Variants in EYA2 observed in about 807,000 individuals in gnomAD.
EYA2 encodes EYA transcriptional coactivator and phosphatase 2, also known as protein phosphatase EYA2.
Under a neutral mutation model 69.2 loss-of-function variants are expected in EYA2, and 31 were observed. The ratio of observed to expected loss-of-function variants is 0.45; its 90% confidence interval spans 0.34 to 0.60. The LOEUF (loss-of-function observed/expected upper bound fraction) is 0.60, where lower values mean the gene tolerates loss of function less well. Ranked by LOEUF, EYA2 falls within the 20% of genes least tolerant of loss-of-function variation. The pLI is 0.02. For missense variants in EYA2, 622 were observed against 701.2 expected (o/e 0.89, Z 1.28); for synonymous variants, 257 against 279.4 (o/e 0.92, Z 0.80).
chr20:47,168,357 A>G (rs2034249916), intron 10 of EYA2, among the ~76,000 whole-genome samples: 1 of 151,960 alleles, frequency 6.6e-6, no homozygotes, highest in Non-Finnish European at 1.5e-5. Context: ...ACGCCCAGCT[A>G]ATTTGTGTAT....
At chr20:46,899,294 G>C (rs1600524853) in intron 1 of EYA2, among the ~76,000 whole-genome samples, 3 of 152,284 alleles carry the variant, frequency 2.0e-5, no homozygotes, top group Admixed American at 2.0e-4. Context: ...ACAGAACACA[G>C]TTATTTTCTG....
intron 9 of EYA2, among the ~76,000 whole-genome samples, chr20:47,111,627 C>A (rs2032748756): frequency 6.6e-6 from 1 of 152,190 alleles, no homozygotes; most frequent in South Asian, 2.1e-4. Flanking sequence ...AACTGGCACA[C>A]TGTGAAAAGT....
intron 1 of EYA2, among the ~76,000 whole-genome samples, chr20:46,968,513 G>A (rs1385467760): frequency 3.9e-5 from 6 of 152,014 alleles, no homozygotes; most frequent in East Asian, 3.9e-4. Flanking sequence ...TGCCCCCTCC[G>A]TGTTTAAACA....
Position 47,180,929 on chromosome 20 carries a change from CA to C in EYA2, c.1430del (p.Lys477ArgfsTer11). ...CTATTGAGAACATCTACAGTGCAAC[CA>C]AGACAGGTAGGGAGAAGCCACACCT... ...FPIENIYSAT[K>X]TGKESCFERI... is the part of the protein sequence containing the mutation. On this transcript the variant is annotated frameshift_variant, in exon 14 of 16. Coordinates refer to ENST00000327619, the MANE Select transcript of EYA2 (RefSeq NM_005244.5). LOFTEE classifies it high-confidence loss of function. The C allele has an allele frequency of 1.2e-6, 2 of 1,613,930 alleles. No homozygotes were observed. Among genetic ancestry groups the C allele is most frequent in the Non-Finnish European group, 1.7e-6 (2 of 1,179,928 alleles).
rs150108001 is a variant in EYA2, at chr20:47,056,620, G to A, written c.416-15565G>A. 4.1e-3 allele frequency among the ~76,000 whole-genome samples: 623 copies of A among 152,272 alleles called. 2 individuals are homozygous for A. Among genetic ancestry groups the A allele is most frequent in the African/African-American group, 0.014 (564 of 41,550 alleles). On this transcript the variant is annotated intron_variant, in intron 5 of 15. Transcript: ENST00000327619. ...TCCACTTTACAGATGAGGAAACTGA[G>A]GCTTAGAAAGTTCAACCATGTGTCC...
chr20:47,159,017 A>T (rs2034011523), intron 10 of EYA2, among the ~76,000 whole-genome samples: 1 of 152,070 alleles, frequency 6.6e-6, no homozygotes, highest in Non-Finnish European at 1.5e-5. Context: ...ATGCTGATGT[A>T]GATAAATGAT....
chr20:47,169,619 T>C (rs1003051025), intron 11 of EYA2, among the ~76,000 whole-genome samples: 5 of 152,216 alleles, frequency 3.3e-5, no homozygotes, highest in Admixed American at 3.3e-4. Context: ...ACTGAAGTAA[T>C]GCATGCATAA....
At position 47,051,672 on chromosome 20, in the gene EYA2, A is replaced by G. The variant is rs191934483; in HGVS notation, c.416-20513A>G. Among the ~76,000 whole-genome samples the G allele has an allele frequency of 1.2e-4, 19 of 152,266 alleles. No individual in the cohort carries two copies. In the East Asian group the frequency reaches 3.3e-3, roughly 26 times the overall value. ...TCCAGCTTAGCTGGCTCCAGCACCT[A>G]TGACCATGGGACACATTATTTTATA... is the stretch of plus-strand genomic sequence containing the variant. On this transcript the variant is annotated intron_variant, in intron 5 of 15. Coordinates refer to ENST00000327619, the MANE Select transcript of EYA2 (RefSeq NM_005244.5).
rs903895437 is a variant in EYA2, at chr20:46,898,234, T to A, written c.-11+3247T>A. Among the ~76,000 whole-genome samples, 4 of 149,522 alleles carry A rather than the reference T, an allele frequency of 2.7e-5. No individual in the cohort carries two copies. In the Admixed American group the frequency reaches 2.7e-4, roughly 10 times the overall value. ...GTTTTGTTGGTGGAAGGAACCGGGT[T>A]TTTTGGGTTTTTGTGTTGGTTTTTT... On this transcript the variant is annotated intron_variant, in intron 1 of 15. Transcript: ENST00000327619.
chr20:47,182,507 T>A (rs1264516696), intron 14 of EYA2, among the ~76,000 whole-genome samples: 1 of 150,588 alleles, frequency 6.6e-6, no homozygotes, highest in Admixed American at 6.6e-5. Context: ...CGGGTACCTG[T>A]AATCCCAGGT....
At chr20:46,966,102 G>A (rs1368710816) in intron 1 of EYA2, among the ~76,000 whole-genome samples, 3 of 152,200 alleles carry the variant, frequency 2.0e-5, no homozygotes, top group African/African-American at 4.8e-5. Flanking sequence ...TAACAACCAG[G>A]ATATGAACGA....
chr20:46,995,380 C>T lies in EYA2; in HGVS notation c.109+5261C>T, dbSNP rs115295145. On this transcript the variant is annotated intron_variant, in intron 2 of 15. Transcript: ENST00000327619. ...ATTTATAGACTCCCTAAAATCATCG[C>T]AGTCTGGGACTTGCAGCCTCATTCC... 3.0e-3 allele frequency among the ~76,000 whole-genome samples: 459 copies of T among 152,260 alleles called. 3 individuals are homozygous for T. The highest frequency in any genetic ancestry group is 0.011 in the African/African-American group (442 of 41,536).
At chr20:46,929,842 T>C (rs539782121) in intron 1 of EYA2, among the ~76,000 whole-genome samples, 1 of 151,000 alleles carries the variant, frequency 6.6e-6, no homozygotes, top group South Asian at 2.1e-4. Flanking sequence ...AAAAAAAAAA[T>C]TGAGTAGTGA....
intron 10 of EYA2, among the ~76,000 whole-genome samples, chr20:47,149,887 A>G (rs557409200): frequency 6.6e-6 from 1 of 152,220 alleles, no homozygotes; most frequent in South Asian, 2.1e-4. Flanking sequence ...ACACACATAC[A>G]CACACGCAAG....
chr20:46,939,599 A>G (rs374046809), intron 1 of EYA2, among the ~76,000 whole-genome samples: 1 of 152,218 alleles, frequency 6.6e-6, no homozygotes, highest in Non-Finnish European at 1.5e-5. Flanking sequence ...TGACTAATAC[A>G]TGCATCTTCC....
chr20:46,928,133 C>A (rs1409817019), intron 1 of EYA2, among the ~76,000 whole-genome samples: 1 of 152,200 alleles, frequency 6.6e-6, no homozygotes, highest in African/African-American at 2.4e-5. Context: ...TCTTGCCCTA[C>A]ATTACTCAGC....
chr20:47,005,706 AG>A, intron 4 of EYA2, among the ~76,000 whole-genome samples: 1 of 152,372 alleles, frequency 6.6e-6, no homozygotes, highest in African/African-American at 2.4e-5. Context: ...ACAGAGTGGT[AG>A]TATCAGAAGA....
At chr20:47,117,876 C>T (rs2032946086) in intron 9 of EYA2, among the ~76,000 whole-genome samples, 1 of 152,222 alleles carries the variant, frequency 6.6e-6, no homozygotes. Flanking sequence ...CAAACACAAG[C>T]CAAAGTGCTT....
chr20:46,993,334 G>A (rs1029892660), intron 2 of EYA2, among the ~76,000 whole-genome samples: 4 of 152,188 alleles, frequency 2.6e-5, no homozygotes, highest in African/African-American at 9.7e-5. Flanking sequence ...ACTCATCTCC[G>A]TCCCTATTGC....
Sources: allele counts gnomAD v4.1 joint callset (sites outside exome capture counted in the v4.1 genomes callset), GRCh38; gene constraint gnomAD v4.1.1; transcripts MANE v1.5; gene names NCBI Gene and HGNC (gene_info 2026-07-23, HGNC 2026-07-21).